TRIP11: variants seen among roughly 807,000 people sequenced by gnomAD.
The protein encoded by TRIP11 is thyroid receptor-interacting protein 11.
Under a neutral mutation model 223.1 loss-of-function variants are expected in TRIP11, and 148 were observed. The ratio of observed to expected loss-of-function variants is 0.66; its 90% CI spans 0.58 to 0.76. The LOEUF (loss-of-function observed/expected upper bound fraction) is 0.76, where lower values mean the gene tolerates loss of function less well. Ranked by LOEUF, TRIP11 falls within the 30% of genes least tolerant of loss-of-function variation. The pLI, the probability that TRIP11 is intolerant of heterozygous loss-of-function variation, is 0.00. For missense variants in TRIP11, 2,043 were observed against 2,222.0 expected, an observed-to-expected ratio of 0.92 and a Z score of 1.62; for synonymous variants, 762 against 772.6, an observed-to-expected ratio of 0.99 and a Z score of 0.23.
At chr14:92,012,485 G>A (rs1321238650) in intron 7 of TRIP11, among the ~76,000 whole-genome samples, 1 of 152,308 alleles carries the variant, frequency 6.6e-6, no homozygotes, top group Middle Eastern at 3.4e-3. Context: ...TAGTATGACA[G>A]AGCAAGCACG....
At chr14:92,019,067 T>C (rs189487775) in intron 4 of TRIP11, among the ~76,000 whole-genome samples, 4 of 151,044 alleles carry the variant, frequency 2.6e-5, no homozygotes, top group Non-Finnish European at 4.4e-5. Context: ...ATTGGGATAA[T>C]ACATATGGAA....
At position 91,978,529 on chromosome 14, in the gene TRIP11, C is replaced by A. The variant is rs1215219346; in HGVS notation, c.5261-2340G>T. Among the ~76,000 whole-genome samples the A allele has an allele frequency of 6.6e-6, 1 of 152,064 alleles. No homozygotes were observed. The highest frequency in any genetic ancestry group is 1.5e-5 in the Non-Finnish European group (1 of 68,034). The stretch of plus-strand genomic sequence containing the variant: ...TATATGTGTGTATATATATTTGAGA[C>A]AGGGTCTTGCTCTGTTGCCCAGGCT... On this transcript the variant is annotated intron_variant, in intron 16 of 20. Coordinates refer to ENST00000267622, the MANE Select transcript of TRIP11 (RefSeq NM_004239.4). The surrounding 1 kb of genome is among the most constrained non-coding windows in gnomAD (Gnocchi z 4.4).
Position 91,988,358 on chromosome 14 carries a change from G to C in TRIP11, c.5186C>G (p.Ala1729Gly). Reference protein sequence around the residue: ...LQECLDEANAALDSASRLTEQ... With the variant: ...LQECLDEANAGLDSASRLTEQ... Reference sequence around the variant, plus strand: ...TGTAAGTCTTGATGCTGAATCCAATGCAGCATTTGCTTCATCCAAACATTC... The same window carrying C: ...TGTAAGTCTTGATGCTGAATCCAATCCAGCATTTGCTTCATCCAAACATTC... The change falls in exon 16 of 21, where the codon GCA (alanine) becomes GGA (glycine). Residue 1729 changes from alanine to glycine, a missense_variant. Coordinates refer to ENST00000267622, the MANE Select transcript of TRIP11 (RefSeq NM_004239.4). The C allele has an allele frequency of 6.2e-7, 1 of 1,613,502 alleles. No individual in the cohort carries two copies. The highest frequency in any genetic ancestry group is 8.5e-7 in the Non-Finnish European group (1 of 1,179,670).
rs754172676 is a variant in TRIP11 at position 92,021,721 on chromosome 14, A to C, written c.423T>G (p.Thr141=). The C allele has an allele frequency of 6.2e-7, 1 of 1,614,214 alleles. No homozygotes were observed. The highest frequency in any genetic ancestry group is 8.5e-7 in the Non-Finnish European group (1 of 1,180,038). ...TCCCATAAGCGAATGAAGATGATGC[A>C]GTGGTTGCTGGTACACCAGCTCCTG... is the stretch of plus-strand genomic sequence containing the variant. The part of the protein sequence containing the change: ...VPSGAGVPAT[T]ASSSFAYGIS... The change falls in exon 4 of 21, where the codon ACT becomes ACG. Residue 141 remains threonine, a synonymous_variant. Transcript: ENST00000267622.
chr14:92,008,608 C>T (rs1439821819), intron 9 of TRIP11, among the ~76,000 whole-genome samples: 1 of 152,174 alleles, frequency 6.6e-6, no homozygotes, highest in Non-Finnish European at 1.5e-5. Context: ...AACATTATTT[C>T]AGTCTCTAGT....
chr14:92,033,020 T>C (rs374064946), intron 2 of TRIP11, among the ~76,000 whole-genome samples, 172 bp downstream of exon 2: 10 of 152,144 alleles, frequency 6.6e-5, no homozygotes, highest in Admixed American at 5.2e-4. Context: ...AACAGGTAAA[T>C]ATATTTTTCA....
intron 10 of TRIP11, 115 bp downstream of exon 10, chr14:92,007,525 C>G: frequency 6.1e-6 from 7 of 1,155,800 alleles, no homozygotes; most frequent in Non-Finnish European, 8.9e-6. Context: ...AGCACTTTAC[C>G]AAAAAGGTTT....
intron 4 of TRIP11, among the ~76,000 whole-genome samples, chr14:92,020,629 C>T (rs993591449): frequency 2.0e-5 from 3 of 149,730 alleles, no homozygotes; most frequent in African/African-American, 4.9e-5. Flanking sequence ...GGTTCAACCA[C>T]AGCAACTCAA....
chr14:91,971,306 T>C (rs1433743404), intron 20 of TRIP11, among the ~76,000 whole-genome samples: 9 of 152,220 alleles, frequency 5.9e-5, no homozygotes, highest in Non-Finnish European at 1.0e-4. Flanking sequence ...TCCCAAGCCG[T>C]ACTTTCCTAT....
At chr14:92,008,281 A>G (rs1317080147) in intron 9 of TRIP11, among the ~76,000 whole-genome samples, 1 of 152,192 alleles carries the variant, frequency 6.6e-6, no homozygotes, top group East Asian at 1.9e-4. Context: ...CCAGTCATCA[A>G]CAGCCTCAGA....
At chr14:92,015,583 G>C (rs181509166) in intron 6 of TRIP11, 113 bp downstream of exon 6, 106 of 808,438 alleles carry the variant, frequency 1.3e-4, no homozygotes, top group Non-Finnish European at 1.9e-4. Flanking sequence ...GCTTGAACCC[G>C]GGGGGCGGAG....
chr14:91,995,804 T>C (rs776342666), intron 13 of TRIP11, among the ~76,000 whole-genome samples: 9 of 151,984 alleles, frequency 5.9e-5, no homozygotes, highest in Non-Finnish European at 1.2e-4. Context: ...TTAGTAAAGA[T>C]GGTGTTTTAC....
chr14:92,003,814 GTTC>G lies in TRIP11; in HGVS notation c.4159_4161del (p.Glu1387del), dbSNP rs1216670947. ...TTGATTTCTGAATCGGTTTGTTCGT[GTTC>G]TTTTCTTTCTAGCTCTGAGGTGGCA... On this transcript the variant is annotated inframe_deletion, in exon 11 of 21. Coordinates refer to ENST00000267622, the MANE Select transcript of TRIP11 (RefSeq NM_004239.4). 2 of 1,613,962 alleles carry G rather than the reference GTTC, an allele frequency of 1.2e-6. No homozygotes were observed. Among genetic ancestry groups the G allele is most frequent in the Non-Finnish European group, 1.7e-6 (2 of 1,180,028 alleles).
intron 1 of TRIP11, among the ~76,000 whole-genome samples, chr14:92,035,505 A>G (rs540461209): frequency 2.0e-5 from 3 of 151,706 alleles, no homozygotes; most frequent in African/African-American, 7.2e-5. Flanking sequence ...GGCCATACAT[A>G]AAATACACTA....
chr14:92,003,665 G>GTTTTCATTTACTTTGTTAGTGAAA lies in TRIP11; in HGVS notation c.4287_4310dup (p.Phe1430_Asn1437dup). ...TTGTTACTGCCTGCCTCAAAAGTTC[G>GTTTTCATTTACTTTGTTAGTGAAA]TTTTCATTTACTTTGTTAGTGAAAT... is the stretch of plus-strand genomic sequence containing the variant. On this transcript the variant is annotated inframe_insertion, in exon 11 of 21. Coordinates refer to ENST00000267622, the MANE Select transcript of TRIP11 (RefSeq NM_004239.4). 1 of 1,614,018 alleles carries GTTTTCATTTACTTTGTTAGTGAAA rather than the reference G, an allele frequency of 6.2e-7. No individual in the cohort carries two copies. Among genetic ancestry groups the GTTTTCATTTACTTTGTTAGTGAAA allele is most frequent in the Non-Finnish European group, 8.5e-7 (1 of 1,179,990 alleles).
intron 16 of TRIP11, among the ~76,000 whole-genome samples, chr14:91,981,010 ATATTTTTTTTTTT>A (rs1324523970): frequency 1.7e-3 from 94 of 55,836 alleles, no homozygotes; most frequent in African/African-American, 6.2e-3. Flanking sequence ...ATATATATAT[ATATTTTTTTTTTT>A]TTTTTTTTTT....
chr14:92,000,292 T>G (rs2056807899), intron 11 of TRIP11, among the ~76,000 whole-genome samples, 184 bp from the exon 12 acceptor site: 1 of 152,060 alleles, frequency 6.6e-6, no homozygotes, highest in African/African-American at 2.4e-5. Flanking sequence ...TATGTCAAAG[T>G]CATGAAAAAC....
chr14:91,975,151 T>G (rs559462675), intron 18 of TRIP11, 21 bp downstream of exon 18: 1 of 1,592,382 alleles, frequency 6.3e-7, no homozygotes, highest in African/African-American at 1.3e-5. Flanking sequence ...TGTGTTCAGA[T>G]GGCTTTCATC....
At chr14:91,975,061 A>G in intron 18 of TRIP11, 111 bp downstream of exon 18, 1 of 999,328 alleles carries the variant, frequency 1.0e-6, no homozygotes, top group Non-Finnish European at 1.6e-6. Context: ...CCATTTCCAC[A>G]CTGAGAAAAT....
Sources: allele counts gnomAD v4.1 joint callset (sites outside exome capture counted in the v4.1 genomes callset), GRCh38; gene constraint gnomAD v4.1.1; non-coding constraint Gnocchi (gnomAD v3.1); transcripts MANE v1.5; gene names NCBI Gene and HGNC (gene_info 2026-07-23, HGNC 2026-07-21).